FGF12: variants seen among roughly 807,000 people sequenced by gnomAD.
The protein encoded by FGF12 is fibroblast growth factor 12B.
Under a neutral mutation model 23.6 loss-of-function variants are expected in FGF12, and 14 were observed. The observed-to-expected ratio is 0.59, with a 90% CI of 0.39 to 0.93. The LOEUF is 0.93. FGF12 is among the 40% of genes least tolerant of loss of function. The probability of loss-of-function intolerance (pLI) is 0.00; values close to 1 mark genes in which losing one functional copy is unlikely to be tolerated. For synonymous variants in FGF12, 62 were observed against 77.3 expected (o/e 0.80, Z 1.04); for missense variants, 175 against 217.8 (o/e 0.80, Z 1.24).
chr3:192,479,053 A>T (rs769409593), intron 2 of FGF12, among the ~76,000 whole-genome samples: 19 of 152,196 alleles, frequency 1.2e-4, no homozygotes, highest in Non-Finnish European at 2.9e-5. Flanking sequence ...ACACTGTGAA[A>T]CATCATGCAG....
At chr3:192,333,454 T>C (rs949101797) in intron 4 of FGF12, among the ~76,000 whole-genome samples, 4 of 152,086 alleles carry the variant, frequency 2.6e-5, no homozygotes, top group Admixed American at 2.6e-4. Flanking sequence ...TAAAATAGAC[T>C]CACAATAACT....
intron 2 of FGF12, among the ~76,000 whole-genome samples, chr3:192,723,031 A>G (rs1719089732): frequency 6.6e-6 from 1 of 152,166 alleles, no homozygotes; most frequent in Non-Finnish European, 1.5e-5. Flanking sequence ...TTGAACAGAG[A>G]GGTATGACAA....
intron 3 of FGF12, among the ~76,000 whole-genome samples, chr3:192,354,817 T>G (rs1355250744): frequency 6.6e-6 from 1 of 152,184 alleles, no homozygotes; most frequent in Admixed American, 6.5e-5. Context: ...GCAATTCACG[T>G]GCCTCAGGCT....
intron 4 of FGF12, among the ~76,000 whole-genome samples, chr3:192,293,237 T>A (rs1714856402): frequency 8.2e-6 from 1 of 122,552 alleles, no homozygotes. Flanking sequence ...TAGTGATGTT[T>A]ACTGAAAAAA....
chr3:192,711,453 A>G (rs1287676228), intron 2 of FGF12, among the ~76,000 whole-genome samples: 3 of 151,924 alleles, frequency 2.0e-5, no homozygotes, highest in East Asian at 1.9e-4. Flanking sequence ...GGTGTACCCA[A>G]CAGCTCATTG....
chr3:192,226,256 CT>C (rs1297917966), intron 4 of FGF12, among the ~76,000 whole-genome samples: 1 of 152,100 alleles, frequency 6.6e-6, no homozygotes, highest in Non-Finnish European at 1.5e-5. Flanking sequence ...TTTTGAATAT[CT>C]TTGTTTCATG....
chr3:192,596,097 T>TATAATATAAC (rs1231866602), intron 2 of FGF12, among the ~76,000 whole-genome samples: 1 of 134,948 alleles, frequency 7.4e-6, no homozygotes, highest in African/African-American at 2.7e-5. Context: ...GACTCAAAAA[T>TATAATATAAC]ATAATATAAT....
intron 2 of FGF12, among the ~76,000 whole-genome samples, chr3:192,644,776 C>T (rs1273134575): frequency 2.0e-5 from 3 of 152,054 alleles, no homozygotes; most frequent in African/African-American, 7.2e-5. Flanking sequence ...GAGCCTTTGC[C>T]CTTCAAGGGC....
intron 2 of FGF12, among the ~76,000 whole-genome samples, chr3:192,525,632 T>C (rs1266861746): frequency 6.6e-6 from 1 of 152,210 alleles, no homozygotes; most frequent in East Asian, 1.9e-4. Context: ...CTAAAGAATG[T>C]GGCTCTTCAG....
At position 192,514,526 on chromosome 3, in the gene FGF12, A is replaced by G; in HGVS notation, c.14-153988T>C. 4.9e-6 allele frequency: 1 copy of G among 202,332 alleles called. No homozygotes were observed. Among genetic ancestry groups the G allele is most frequent in the Non-Finnish European group, 8.8e-6 (1 of 113,898 alleles). The allele number at this position is 202,332 out of a possible 1,614,324, so 12.5% of individuals were successfully genotyped here. ...AGACAGAACCAGCGGAGGGGCCCTG[A>G]CCTCGCCCCAGTCGGGAAACGCCTT... On this transcript the variant is annotated intron_variant, in intron 2 of 5. Coordinates refer to ENST00000445105, the MANE Select transcript of FGF12 (RefSeq NM_004113.6). This position sits in a 1 kb window ranked among gnomAD's most constrained non-coding sequence, Gnocchi z 4.9.
intron 2 of FGF12, among the ~76,000 whole-genome samples, chr3:192,385,084 G>A (rs1432360013): frequency 6.6e-6 from 1 of 152,188 alleles, no homozygotes; most frequent in Admixed American, 6.5e-5. Flanking sequence ...ACTCGGTTAT[G>A]AAATTGCTTG....
intron 2 of FGF12, among the ~76,000 whole-genome samples, chr3:192,613,147 C>T (rs1301052184): frequency 6.6e-6 from 1 of 151,596 alleles, no homozygotes; most frequent in African/African-American, 2.4e-5. Flanking sequence ...GTCTTGCTGA[C>T]CAGTGGAAAG....
chr3:192,557,228 G>A (rs1451034809), intron 2 of FGF12, among the ~76,000 whole-genome samples: 1 of 150,476 alleles, frequency 6.6e-6, no homozygotes, highest in Non-Finnish European at 1.5e-5. Flanking sequence ...TAAAATACAA[G>A]TAGAAAAACA....
intron 2 of FGF12, among the ~76,000 whole-genome samples, chr3:192,524,362 C>A (rs1466053609): frequency 6.6e-6 from 1 of 152,152 alleles, no homozygotes; most frequent in Non-Finnish European, 1.5e-5. Context: ...ATAAGCATTG[C>A]CTTTACAGTA....
At chr3:192,428,126 T>C (rs967768808) in intron 2 of FGF12, among the ~76,000 whole-genome samples, 1 of 152,132 alleles carries the variant, frequency 6.6e-6, no homozygotes, top group African/African-American at 2.4e-5. Context: ...CCTAACAGGA[T>C]CCCCCTCCGC....
At chr3:192,297,824 T>G (rs1210460309) in intron 4 of FGF12, among the ~76,000 whole-genome samples, 2 of 152,206 alleles carry the variant, frequency 1.3e-5, no homozygotes, top group Non-Finnish European at 2.9e-5. Context: ...ATCTTTAATA[T>G]TTTTAGGCAC....
intron 3 of FGF12, among the ~76,000 whole-genome samples, chr3:192,346,296 A>G (rs1307763614): frequency 6.6e-6 from 1 of 152,198 alleles, no homozygotes; most frequent in East Asian, 1.9e-4. Flanking sequence ...TCTTTGCTTC[A>G]TGCAAGCTAG....
At position 192,408,494 on chromosome 3, in the gene FGF12, C is replaced by G; in HGVS notation, c.14-47956G>C. 7.8e-7 allele frequency: 1 copy of G among 1,279,408 alleles called. No individual in the cohort carries two copies. Among genetic ancestry groups the G allele is most frequent in the Non-Finnish European group, 9.9e-7 (1 of 1,013,330 alleles). The allele number at this position is 1,279,408 out of a possible 1,614,324, so 79.3% of individuals were successfully genotyped here. On this transcript the variant is annotated intron_variant, in intron 2 of 5. Coordinates refer to ENST00000445105, the MANE Select transcript of FGF12 (RefSeq NM_004113.6). The surrounding 1 kb of genome is among the most constrained non-coding windows in gnomAD (Gnocchi z 7.3). ...GGCGGGGCGGTCCCAGGCCCTCTTG[C>G]GAAGTAGACGTTTGCACCCCAAACT...
intron 4 of FGF12, among the ~76,000 whole-genome samples, chr3:192,250,697 C>A (rs1711949326): frequency 6.6e-6 from 1 of 151,812 alleles, no homozygotes; most frequent in African/African-American, 2.4e-5. Flanking sequence ...TCTTCTTTTT[C>A]TGGAGAATCA....
Sources: gnomAD v4.1 joint callset for allele counts (sites outside exome capture counted in the v4.1 genomes callset) on GRCh38, gnomAD v4.1.1 for gene constraint, Gnocchi (gnomAD v3.1) non-coding constraint, MANE v1.5 for transcripts, NCBI Gene and HGNC (gene_info 2026-07-23, HGNC 2026-07-21) for gene names.